LIPC: variants seen among roughly 807,000 people sequenced by gnomAD.
LIPC encodes the protein hepatic triacylglycerol lipase.
Under a neutral mutation model 50.7 loss-of-function variants are expected in LIPC, and 44 were observed. The observed-to-expected ratio is 0.87, with a 90% CI of 0.68 to 1.11. The LOEUF (loss-of-function observed/expected upper bound fraction) is 1.11. Ranked by LOEUF, LIPC falls within the 50% of genes most tolerant of loss-of-function variation. LIPC has a pLI of 0.00. For missense variants in LIPC, 697 were observed against 648.2 expected (o/e 1.08, Z -0.82); for synonymous variants, 271 against 256.4 (o/e 1.06, Z -0.54).
intron 1 of LIPC, among the ~76,000 whole-genome samples, chr15:58,449,316 A>G (rs1194416764): frequency 1.3e-5 from 2 of 152,204 alleles, no homozygotes; most frequent in Non-Finnish European, 2.9e-5. Context: ...ATGCTCTGCT[A>G]AGATCCACAG....
rs1228960592 is a variant in LIPC, at chr15:58,533,092, T to A, written c.89-5241T>A. On this transcript the variant is annotated intron_variant, in intron 1 of 8. Coordinates refer to ENST00000299022, the MANE Select transcript of LIPC (RefSeq NM_000236.3). ...GATTTGATCACTTACCTCAATTTAA[T>A]ATTCCTCCTCCTAAAACCACAGTAT... The A allele has an allele frequency of 6.9e-6, 6 of 873,040 alleles. No homozygotes were observed. In the Admixed American group the frequency reaches 3.7e-4, roughly 54 times the overall value. The allele number at this position is 873,040 out of a possible 1,614,324, so 54.1% of individuals were successfully genotyped here. A position where few individuals can be genotyped will look rare whatever the true frequency, so the allele number is the denominator to read the frequency against.
At chr15:58,538,190 C>G (rs1214330322) in intron 1 of LIPC, 143 bp from the exon 2 acceptor site, 3 of 850,128 alleles carry the variant, frequency 3.5e-6, no homozygotes, top group South Asian at 1.4e-5. Flanking sequence ...TTTGGGGCTC[C>G]CCACAGTTGT....
intron 6 of LIPC, among the ~76,000 whole-genome samples, chr15:58,555,508 G>T (rs987511388): frequency 4.6e-5 from 7 of 152,210 alleles, no homozygotes; most frequent in African/African-American, 1.7e-4. Flanking sequence ...TTTGGAATTA[G>T]ACACACCTGG....
intron 1 of LIPC, among the ~76,000 whole-genome samples, chr15:58,470,240 T>C (rs1205036852): frequency 6.6e-6 from 1 of 152,178 alleles, no homozygotes; most frequent in Non-Finnish European, 1.5e-5. Context: ...CTGGAATGCA[T>C]TCTTTGAATT....
intron 5 of LIPC, 37 bp downstream of exon 5, chr15:58,546,012 C>T (rs776146898): frequency 6.8e-7 from 1 of 1,477,192 alleles, no homozygotes; most frequent in African/African-American, 1.4e-5. Context: ...CACCGGCCTA[C>T]ATTTCAATGG....
chr15:58,468,720 A>AG (rs1176514416), intron 1 of LIPC, among the ~76,000 whole-genome samples: 1 of 152,260 alleles, frequency 6.6e-6, no homozygotes, highest in African/African-American at 2.4e-5. Context: ...GGCCCACCCC[A>AG]GACCAGTTCA....
intron 1 of LIPC, among the ~76,000 whole-genome samples, chr15:58,448,749 C>A (rs182898341): frequency 1.3e-5 from 2 of 152,368 alleles, no homozygotes; most frequent in East Asian, 3.9e-4. Context: ...CTTAAAAAGT[C>A]AGATGTCTGG....
intron 1 of LIPC, among the ~76,000 whole-genome samples, chr15:58,526,690 A>G (rs147721965): frequency 6.6e-6 from 1 of 152,346 alleles, no homozygotes; most frequent in East Asian, 1.9e-4. Flanking sequence ...GTACCCACAA[A>G]TATCTGGAAG....
intron 1 of LIPC, chr15:58,454,751 C>A (rs575908719): frequency 1.3e-5 from 2 of 152,346 alleles, no homozygotes; most frequent in Non-Finnish European, 2.9e-5. Context: ...CGCTCACCCC[C>A]AGGGCCTGGG....
chr15:58,542,210 A>G (rs1893355534), intron 3 of LIPC, among the ~76,000 whole-genome samples: 1 of 151,996 alleles, frequency 6.6e-6, no homozygotes, highest in Middle Eastern at 3.4e-3. Flanking sequence ...TCTTATGCTC[A>G]CCCCCTTAGA....
At position 58,508,687 on chromosome 15, in the gene LIPC, A is replaced by G. The variant is rs1238837094; in HGVS notation, c.89-29646A>G. Among the ~76,000 whole-genome samples, 11 of 151,566 alleles carry G rather than the reference A, an allele frequency of 7.3e-5. 1 individual carries two copies. The highest frequency in any genetic ancestry group is 2.7e-4 in the African/African-American group (11 of 41,188). The stretch of plus-strand genomic sequence containing the variant: ...TGGGGGCTGAGGGAGAGTCCTTACG[A>G]CTGACATAGTCCCCAACAAGGTTCT... On this transcript the variant is annotated intron_variant, in intron 1 of 8. Transcript: ENST00000299022.
chr15:58,561,702 C>A (rs1299127954), intron 7 of LIPC, among the ~76,000 whole-genome samples: 1 of 152,160 alleles, frequency 6.6e-6, no homozygotes, highest in East Asian at 1.9e-4. Context: ...AGTTTAATTT[C>A]TTTCAGGGCC....
intron 1 of LIPC, among the ~76,000 whole-genome samples, chr15:58,537,675 C>G (rs1336241285): frequency 2.0e-5 from 3 of 152,162 alleles, no homozygotes; most frequent in African/African-American, 4.8e-5. Context: ...CACACACACA[C>G]TCAATCATCC....
At chr15:58,475,655 A>C (rs1385951816) in intron 1 of LIPC, among the ~76,000 whole-genome samples, 2 of 152,172 alleles carry the variant, frequency 1.3e-5, no homozygotes, top group Non-Finnish European at 2.9e-5. Flanking sequence ...ATCTGTCTCT[A>C]CCAGCAAACC....
intron 1 of LIPC, among the ~76,000 whole-genome samples, chr15:58,437,708 A>G (rs533879474): frequency 6.6e-6 from 1 of 152,284 alleles, no homozygotes; most frequent in Non-Finnish European, 1.5e-5. Context: ...GATTTCTGAG[A>G]GGCCTCCACA....
intron 1 of LIPC, among the ~76,000 whole-genome samples, chr15:58,535,559 A>G (rs1489751340): frequency 6.6e-6 from 1 of 152,212 alleles, no homozygotes. Flanking sequence ...TCACAGCTAA[A>G]TCCAGAGTAA....
chr15:58,469,102 TTGTGTGTG>T (rs56309142), intron 1 of LIPC, among the ~76,000 whole-genome samples: 4,342 of 140,680 alleles, frequency 0.031, 209 homozygotes, highest in African/African-American at 0.1. Context: ...AGGGAACATT[TTGTGTGTG>T]TGTGTGTGTG....
At position 58,541,907 on chromosome 15, in the gene LIPC, C is replaced by T. The variant is rs367826157; in HGVS notation, c.396C>T (p.Ile132=). The change falls in exon 3 of 9, where the codon ATC becomes ATT. Residue 132 remains isoleucine (I), a synonymous_variant. Coordinates refer to ENST00000299022, the MANE Select transcript of LIPC (RefSeq NM_000236.3). ...CCCTGGCCCACGACCACTACACCAT[C>T]GCCGTCCGCAACACCCGCCTTGTGG... ...WITLAHDHYT[I]AVRNTRLVGK... The T allele has an allele frequency of 6.1e-5, 99 of 1,611,804 alleles. No homozygotes were observed. Among genetic ancestry groups the T allele is most frequent in the Admixed American group, 8.3e-5 (5 of 59,992 alleles).
chr15:58,461,723 T>C (rs1290793788), intron 1 of LIPC, among the ~76,000 whole-genome samples: 1 of 152,042 alleles, frequency 6.6e-6, no homozygotes, highest in African/African-American at 2.4e-5. Flanking sequence ...CCGCCACCTA[T>C]GTTCTTAATC....
Sources: allele counts gnomAD v4.1 joint callset (sites outside exome capture counted in the v4.1 genomes callset), GRCh38; gene constraint gnomAD v4.1.1; transcripts MANE v1.5; gene names NCBI Gene and HGNC (gene_info 2026-07-23, HGNC 2026-07-21).